SYCP1: variants seen among roughly 807,000 people sequenced by gnomAD.
SYCP1 encodes cancer/testis antigen 8.
A neutral mutation model predicts 153.1 loss-of-function variants in SYCP1; 64 were observed. That is an observed-to-expected ratio of 0.42 (90% CI 0.34 to 0.51). The LOEUF is 0.51. Ranked by LOEUF, SYCP1 falls within the 20% of genes least tolerant of loss-of-function variation. The probability of loss-of-function intolerance (pLI) is 0.06; values close to 1 mark genes in which losing one functional copy is unlikely to be tolerated. For synonymous variants in SYCP1, 384 were observed against 341.8 expected, an observed-to-expected ratio of 1.12 and a Z score of -1.36; for missense variants, 997 against 1,049.0, an observed-to-expected ratio of 0.95 and a Z score of 0.68.
At chr1:114,899,730 G>C (rs916109259) in intron 16 of SYCP1, among the ~76,000 whole-genome samples, 1 of 152,098 alleles carries the variant, frequency 6.6e-6, no homozygotes, top group African/African-American at 2.4e-5. Context: ...TACAATTTGG[G>C]AACATATATT....
intron 30 of SYCP1, among the ~76,000 whole-genome samples, chr1:114,988,740 T>C (rs908116056): frequency 6.6e-6 from 1 of 152,138 alleles, no homozygotes. Flanking sequence ...CGTAAATACA[T>C]GGGCAATTTA....
At chr1:114,857,618 C>A (rs1031055799) in intron 5 of SYCP1, 121 bp downstream of exon 5, 56 of 711,862 alleles carry the variant, frequency 7.9e-5, no homozygotes, top group Admixed American at 1.6e-4. Flanking sequence ...TAAGATATAT[C>A]CTTTAAAACC....
At position 114,981,420 on chromosome 1, in the gene SYCP1, A is replaced by C. The variant is rs1673145196; in HGVS notation, c.2467A>C (p.Asn823His). 6.2e-7 allele frequency: 1 copy of C among 1,609,820 alleles called. No homozygotes were observed. ...AGTTCCTTCACAAACTGTATCTCGA[A>C]ATTTCACATCAGTTGATCATGGCAT... ...KAVPSQTVSR[N>H]FTSVDHGISK... The change falls in exon 29 of 32, where the codon AAT becomes CAT. Residue 823 changes from asparagine (N) to histidine (H), a missense_variant. Asn to His is a moderately conservative substitution (Grantham distance 68). Transcript: ENST00000369522.
intron 7 of SYCP1, 149 bp from the exon 8 acceptor site, chr1:114,860,587 T>TA: frequency 1.9e-6 from 1 of 516,604 alleles, no homozygotes; most frequent in Non-Finnish European, 3.4e-6. Flanking sequence ...TTTCTTCATA[T>TA]AGTCATTTAT....
intron 19 of SYCP1, 144 bp from the exon 20 acceptor site, chr1:114,913,831 A>T (rs1468923469): frequency 2.0e-6 from 1 of 502,496 alleles, no homozygotes; most frequent in Non-Finnish European, 3.5e-6. Flanking sequence ...AGTAGTATGG[A>T]ACTATACAAG....
At chr1:114,971,856 G>A (rs2101916349) in intron 27 of SYCP1, among the ~76,000 whole-genome samples, 1 of 152,160 alleles carries the variant, frequency 6.6e-6, no homozygotes, top group South Asian at 2.1e-4. Flanking sequence ...TGTTCATCCG[G>A]GATATGGGCC....
chr1:114,938,745 A>G (rs1670195458), intron 23 of SYCP1, among the ~76,000 whole-genome samples: 1 of 152,184 alleles, frequency 6.6e-6, no homozygotes, highest in African/African-American at 2.4e-5. Flanking sequence ...AAAATAAAGT[A>G]TGGGCAAAGG....
At chr1:114,946,901 G>A (rs970817360) in intron 26 of SYCP1, among the ~76,000 whole-genome samples, 2 of 151,874 alleles carry the variant, frequency 1.3e-5, no homozygotes, top group Admixed American at 6.6e-5. Context: ...CACCACACCC[G>A]GCTAATTTTT....
At chr1:114,890,016 A>G (rs143723376) in intron 15 of SYCP1, among the ~76,000 whole-genome samples, 1 of 152,264 alleles carries the variant, frequency 6.6e-6, no homozygotes, top group African/African-American at 2.4e-5. Flanking sequence ...GCTATTTGTC[A>G]TATTAAAAAT....
intron 8 of SYCP1, among the ~76,000 whole-genome samples, chr1:114,872,384 T>A (rs1330675591): frequency 2.0e-5 from 3 of 152,202 alleles, no homozygotes; most frequent in Non-Finnish European, 4.4e-5. Context: ...TATTCTTGCC[T>A]GCGTGGTTTC....
intron 12 of SYCP1, among the ~76,000 whole-genome samples, chr1:114,883,708 A>G (rs2101532061): frequency 6.6e-6 from 1 of 152,316 alleles, no homozygotes; most frequent in South Asian, 2.1e-4. Flanking sequence ...AATGGACACC[A>G]CAATCATTAG....
chr1:114,858,000 A>G (rs1016155207), intron 5 of SYCP1, among the ~76,000 whole-genome samples: 1 of 152,056 alleles, frequency 6.6e-6, no homozygotes. Context: ...ATATATTTTT[A>G]TAAGAAAAAG....
intron 30 of SYCP1, among the ~76,000 whole-genome samples, chr1:114,987,750 C>G (rs1673614876): frequency 6.6e-6 from 1 of 151,420 alleles, no homozygotes; most frequent in Non-Finnish European, 1.5e-5. Flanking sequence ...TTCAAAGGAA[C>G]AAAACAAACC....
At chr1:114,961,514 A>G (rs1247597499) in intron 27 of SYCP1, among the ~76,000 whole-genome samples, 5 of 152,182 alleles carry the variant, frequency 3.3e-5, no homozygotes, top group African/African-American at 1.2e-4. Flanking sequence ...CTTTTGCTGT[A>G]TCTCAGAGGC....
intron 16 of SYCP1, among the ~76,000 whole-genome samples, chr1:114,896,427 C>T (rs951793908): frequency 9.2e-5 from 14 of 152,328 alleles, no homozygotes; most frequent in Admixed American, 8.5e-4. Context: ...TCTCTTGATA[C>T]TCTAGGCTAG....
At chr1:114,970,449 G>C (rs750463210) in intron 27 of SYCP1, among the ~76,000 whole-genome samples, 1 of 151,500 alleles carries the variant, frequency 6.6e-6, no homozygotes, top group Non-Finnish European at 1.5e-5. Flanking sequence ...ATCCATTGCT[G>C]GTGAGCTAGT....
intron 27 of SYCP1, among the ~76,000 whole-genome samples, chr1:114,964,786 G>A (rs774586308): frequency 1.3e-5 from 2 of 152,200 alleles, no homozygotes; most frequent in Non-Finnish European, 2.9e-5. Flanking sequence ...ATAGTTTGAA[G>A]TCACGTAGCA....
chr1:114,856,226 A>G (rs1663932330), intron 2 of SYCP1, among the ~76,000 whole-genome samples: 1 of 152,218 alleles, frequency 6.6e-6, no homozygotes, highest in Non-Finnish European at 1.5e-5. Flanking sequence ...ATGCTATTCA[A>G]TAAAGACAAT....
chr1:114,875,986 A>G (rs887958801), intron 9 of SYCP1, 83 bp from the exon 10 acceptor site: 2 of 849,438 alleles, frequency 2.4e-6, no homozygotes, highest in Non-Finnish European at 1.8e-6. Flanking sequence ...TGATCACATG[A>G]TACAAATTTG....
Sources: allele counts gnomAD v4.1 joint callset (sites outside exome capture counted in the v4.1 genomes callset), GRCh38; gene constraint gnomAD v4.1.1; transcripts MANE v1.5; gene names NCBI Gene and HGNC (gene_info 2026-07-23, HGNC 2026-07-21).